The following GALNTL6 variants were observed in gnomAD, a reference collection of about 807,000 sequenced individuals.
The protein encoded by GALNTL6 is polypeptide N-acetylgalactosaminyltransferase-like 6.
In GALNTL6, 46 loss-of-function variants were observed where a neutral mutation model predicts 73.7. That is an observed-to-expected ratio of 0.62 (90% confidence interval 0.49 to 0.80). The LOEUF (loss-of-function observed/expected upper bound fraction) is 0.80, where lower values mean the gene tolerates loss of function less well. Among genes scored for constraint, GALNTL6 ranks in the 30% least tolerant of loss-of-function variants. The probability of loss-of-function intolerance (pLI) is 0.00; values close to 1 mark genes in which losing one functional copy is unlikely to be tolerated. For missense variants in GALNTL6, 604 were observed against 755.0 expected (o/e 0.80, Z 2.34); for synonymous variants, 259 against 263.7 (o/e 0.98, Z 0.17).
chr4:172,605,493 GAT>G (rs1178723737), intron 5 of GALNTL6, among the ~76,000 whole-genome samples: 2 of 152,034 alleles, frequency 1.3e-5, no homozygotes, highest in Non-Finnish European at 2.9e-5. Flanking sequence ...CATAATAAAA[GAT>G]AACAACAAAA....
intron 3 of GALNTL6, among the ~76,000 whole-genome samples, chr4:172,281,205 T>C (rs1034581178): frequency 6.6e-6 from 1 of 152,018 alleles, no homozygotes; most frequent in African/African-American, 2.4e-5. Flanking sequence ...ATTCATTACC[T>C]TACAGTTCCG....
At chr4:172,059,410 A>G (rs182538554) in intron 2 of GALNTL6, among the ~76,000 whole-genome samples, 53 of 152,300 alleles carry the variant, frequency 3.5e-4, no homozygotes, top group Admixed American at 1.7e-3. Context: ...CGACATTACA[A>G]TATAATTCAA....
At chr4:171,849,540 TAAAG>T (rs1395279223) in intron 2 of GALNTL6, among the ~76,000 whole-genome samples, 3 of 152,152 alleles carry the variant, frequency 2.0e-5, no homozygotes, top group African/African-American at 4.8e-5. Context: ...AAAATAGAAA[TAAAG>T]AAAATCTTGT....
intron 2 of GALNTL6, among the ~76,000 whole-genome samples, chr4:171,859,987 C>G (rs2110876892): frequency 6.6e-6 from 1 of 152,298 alleles, no homozygotes; most frequent in South Asian, 2.1e-4. Flanking sequence ...GAGGTTATCT[C>G]CAAGGAGCTG....
intron 2 of GALNTL6, among the ~76,000 whole-genome samples, chr4:171,881,727 G>A (rs750666324): frequency 6.6e-6 from 1 of 152,172 alleles, no homozygotes; most frequent in Admixed American, 6.5e-5. Flanking sequence ...TGCTAAAGAA[G>A]CCAAGAAAGT....
At chr4:172,049,431 T>C (rs77402434) in intron 2 of GALNTL6, among the ~76,000 whole-genome samples, 9,889 of 152,264 alleles carry the variant, frequency 0.065, 350 homozygotes, top group Middle Eastern at 0.088. Flanking sequence ...TTTTATAAAA[T>C]AGTAATTGTC....
chr4:172,940,759 G>C (rs1449957768), intron 9 of GALNTL6, among the ~76,000 whole-genome samples: 1 of 151,794 alleles, frequency 6.6e-6, no homozygotes, highest in Non-Finnish European at 1.5e-5. Flanking sequence ...CTGCAACCTG[G>C]AACTCCCAAG....
chr4:172,251,558 C>A (rs1005953396), intron 3 of GALNTL6, among the ~76,000 whole-genome samples: 2 of 152,122 alleles, frequency 1.3e-5, no homozygotes, highest in Admixed American at 6.6e-5. Context: ...TTCCCTACAT[C>A]TGGTCCTGAG....
At chr4:172,556,857 C>T (rs1389044554) in intron 5 of GALNTL6, among the ~76,000 whole-genome samples, 1 of 151,878 alleles carries the variant, frequency 6.6e-6, no homozygotes, top group Non-Finnish European at 1.5e-5. Flanking sequence ...AACTTGGGAA[C>T]ACACAGAACT....
At chr4:172,164,150 A>G (rs951212114) in intron 2 of GALNTL6, among the ~76,000 whole-genome samples, 5 of 152,022 alleles carry the variant, frequency 3.3e-5, no homozygotes, top group Non-Finnish European at 4.4e-5. Context: ...CATGGGACTG[A>G]CTTACTCTTG....
At chr4:172,947,903 A>G (rs1749252100) in intron 9 of GALNTL6, among the ~76,000 whole-genome samples, 1 of 152,228 alleles carries the variant, frequency 6.6e-6, no homozygotes, top group East Asian at 1.9e-4. Flanking sequence ...TACAGTCTAT[A>G]AAAGACCAAT....
chr4:172,152,715 C>T lies in GALNTL6; in HGVS notation c.139-76941C>T, dbSNP rs566113004. Among the ~76,000 whole-genome samples the T allele has an allele frequency of 2.6e-5, 4 of 152,276 alleles. No individual in the cohort carries two copies. In the East Asian group the frequency reaches 7.7e-4, roughly 29 times the overall value. On this transcript the variant is annotated intron_variant, in intron 2 of 12. Coordinates refer to ENST00000506823, the MANE Select transcript of GALNTL6 (RefSeq NM_001034845.3). ...CCTCTGCCTCTTGGGCTGGAGTGCTCCTCCCAGCTCAGCCTCCCAAGTAGC... is the reference window on the plus strand; with the variant it reads ...CCTCTGCCTCTTGGGCTGGAGTGCTTCTCCCAGCTCAGCCTCCCAAGTAGC...
At chr4:172,575,379 T>C (rs1041479984) in intron 5 of GALNTL6, among the ~76,000 whole-genome samples, 2 of 152,198 alleles carry the variant, frequency 1.3e-5, no homozygotes, top group African/African-American at 4.8e-5. Context: ...ACATGATAAG[T>C]GCACACATTT....
chr4:171,979,822 A>T (rs958609585), intron 2 of GALNTL6, among the ~76,000 whole-genome samples: 1 of 25,724 alleles, frequency 3.9e-5, no homozygotes, highest in African/African-American at 4.5e-5. Context: ...TCTAATGCCA[A>T]TATTACCCCC....
At chr4:172,084,887 G>A (rs1731981962) in intron 2 of GALNTL6, among the ~76,000 whole-genome samples, 1 of 152,114 alleles carries the variant, frequency 6.6e-6, no homozygotes, top group South Asian at 2.1e-4. Flanking sequence ...ATATGATGTT[G>A]TCACGTAAAA....
intron 5 of GALNTL6, among the ~76,000 whole-genome samples, chr4:172,646,279 T>C (rs1178771660): frequency 6.6e-6 from 1 of 152,056 alleles, no homozygotes; most frequent in African/African-American, 2.4e-5. Context: ...GTATTAAATC[T>C]ATAGATAGCT....
In GALNTL6 at chr4:171,877,695, A is replaced by G. The variant is rs141493246; in HGVS notation, c.138+62977A>G. Among the ~76,000 whole-genome samples the G allele has an allele frequency of 1.4e-3, 208 of 152,148 alleles. 1 individual carries two copies. Among genetic ancestry groups the G allele is most frequent in the African/African-American group, 4.8e-3 (198 of 41,532 alleles). ...TAAGTTTGGCTGCCTTTTAAGTACT[A>G]TGTTAATATTGGTGATGCTTTTCCG... On this transcript the variant is annotated intron_variant, in intron 2 of 12. Coordinates refer to ENST00000506823, the MANE Select transcript of GALNTL6 (RefSeq NM_001034845.3).
rs574909730 is a variant in GALNTL6 at position 172,974,368 on chromosome 4, T to A, written c.1371+22110T>A. ...CATTTCTCAGTGTTGGAGCACTGAT[T>A]ATTAGTTACCTAGAGTACTTTCCTC... On this transcript the variant is annotated intron_variant, in intron 10 of 12. Transcript: ENST00000506823. Among the ~76,000 whole-genome samples, 10 of 152,338 alleles carry A rather than the reference T, an allele frequency of 6.6e-5. No homozygotes were observed. The South Asian group carries it at 2.1e-3, about 32-fold the overall frequency.
intron 3 of GALNTL6, among the ~76,000 whole-genome samples, chr4:172,240,260 G>C (rs888749081): frequency 1.3e-5 from 2 of 152,018 alleles, no homozygotes; most frequent in African/African-American, 4.8e-5. Context: ...ATCTCACTCT[G>C]TCGCCCAAGC....
Sources: allele counts gnomAD v4.1 joint callset (sites outside exome capture counted in the v4.1 genomes callset), GRCh38; gene constraint gnomAD v4.1.1; transcripts MANE v1.5; gene names NCBI Gene and HGNC (gene_info 2026-07-23, HGNC 2026-07-21).